The following MTUS2 variants were observed in gnomAD, a reference collection of about 807,000 sequenced individuals.
MTUS2 encodes microtubule associated scaffold protein 2, also known as microtubule-associated tumor suppressor candidate 2.
In MTUS2, 40 loss-of-function variants were observed where a neutral mutation model predicts 114.1. That is an observed-to-expected ratio of 0.35 (90% confidence interval 0.27 to 0.46). The LOEUF (loss-of-function observed/expected upper bound fraction) is 0.46. MTUS2 is among the 20% of genes least tolerant of loss of function. The pLI, the probability that MTUS2 is intolerant of heterozygous loss-of-function variation, is 1.00. For synonymous variants in MTUS2, 688 were observed against 672.0 expected (o/e 1.02, Z -0.37); for missense variants, 1,679 against 1,705.4 (o/e 0.98, Z 0.27).
intron 6 of MTUS2, among the ~76,000 whole-genome samples, chr13:29,302,060 C>A (rs1202769045): frequency 1.3e-5 from 2 of 152,160 alleles, no homozygotes; most frequent in African/African-American, 4.8e-5. Flanking sequence ...AATTGGATTT[C>A]GGGGATGGAT....
intron 2 of MTUS2, among the ~76,000 whole-genome samples, chr13:28,939,197 C>G (rs1045897798): frequency 6.6e-6 from 1 of 152,142 alleles, no homozygotes; most frequent in East Asian, 1.9e-4. Context: ...ATTTGGGTTG[C>G]TTCTGCCCAA....
intron 5 of MTUS2, among the ~76,000 whole-genome samples, chr13:29,229,940 G>A (rs11617315): frequency 0.061 from 9,295 of 152,134 alleles, 297 homozygotes; most frequent in Middle Eastern, 0.078. Flanking sequence ...TATAGCATTC[G>A]ACTTTTAAAA....
In MTUS2 at chr13:29,033,924, C is replaced by T. The variant is rs939999445; in HGVS notation, c.2245C>T (p.Pro749Ser). ...TGGAAAAGAAGAGTTTTGTTCTCCTCCCTATGCTCATTATGAAGTCCCTCC... is the reference window on the plus strand; with the variant it reads ...TGGAAAAGAAGAGTTTTGTTCTCCTTCCTATGCTCATTATGAAGTCCCTCC... Reference protein sequence around the residue: ...HPGKEEFCSPPYAHYEVPPTF... With the variant: ...HPGKEEFCSPSYAHYEVPPTF... The change falls in exon 4 of 16, where the codon CCC becomes TCC. Residue 749 changes from proline (P) to serine (S), a missense_variant. Around this residue, in one of 3 missense-constraint regions of MTUS2, gnomAD observed 822 missense variants for 899.7 expected, o/e 0.91. Coordinates refer to ENST00000612955, the MANE Select transcript of MTUS2 (RefSeq NM_001033602.4). The T allele has an allele frequency of 6.2e-7, 1 of 1,613,800 alleles. No individual in the cohort carries two copies. The highest frequency in any genetic ancestry group is 8.5e-7 in the Non-Finnish European group (1 of 1,179,874).
At chr13:29,265,227 C>A (rs1566098912) in intron 5 of MTUS2, among the ~76,000 whole-genome samples, 1 of 152,224 alleles carries the variant, frequency 6.6e-6, no homozygotes, top group Non-Finnish European at 1.5e-5. Context: ...TGCAGCCAAG[C>A]TCTTTACAAA....
chr13:29,249,631 T>C (rs1286534804), intron 5 of MTUS2, among the ~76,000 whole-genome samples: 6 of 152,234 alleles, frequency 3.9e-5, no homozygotes. Flanking sequence ...TCTCATCATG[T>C]CCTTTGCCCA....
chr13:29,409,529 T>A (rs1463928407), intron 8 of MTUS2, among the ~76,000 whole-genome samples: 1 of 152,212 alleles, frequency 6.6e-6, no homozygotes, highest in East Asian at 1.9e-4. Context: ...ACATCTGGGT[T>A]GATTTTAATG....
intron 7 of MTUS2, among the ~76,000 whole-genome samples, chr13:29,351,371 A>G (rs1182524045): frequency 6.6e-6 from 1 of 152,076 alleles, no homozygotes; most frequent in African/African-American, 2.4e-5. Flanking sequence ...GGCAGGAACT[A>G]TATTTTCTGT....
intron 5 of MTUS2, among the ~76,000 whole-genome samples, chr13:29,181,279 A>C (rs955366701): frequency 5.3e-5 from 8 of 152,046 alleles, no homozygotes; most frequent in Non-Finnish European, 1.2e-4. Flanking sequence ...ATCATCTCTG[A>C]TGACAAGAGC....
intron 2 of MTUS2, among the ~76,000 whole-genome samples, chr13:28,901,205 T>TA (rs904439402): frequency 1.3e-5 from 2 of 151,866 alleles, no homozygotes; most frequent in African/African-American, 2.4e-5. Flanking sequence ...TTTTGCTCAT[T>TA]AAAAAAAAAT....
intron 5 of MTUS2, among the ~76,000 whole-genome samples, chr13:29,103,180 T>G (rs944867370): frequency 2.6e-5 from 4 of 152,184 alleles, no homozygotes; most frequent in African/African-American, 9.7e-5. Context: ...ATCTGAAACA[T>G]GAGCATGATA....
At chr13:29,472,176 C>T (rs1880367676) in intron 9 of MTUS2, among the ~76,000 whole-genome samples, 1 of 152,162 alleles carries the variant, frequency 6.6e-6, no homozygotes, top group Admixed American at 6.5e-5. Context: ...AGGCACGTGC[C>T]ACCAAGCCTG....
chr13:29,221,227 A>C (rs1016823149), intron 5 of MTUS2, among the ~76,000 whole-genome samples: 1 of 152,270 alleles, frequency 6.6e-6, no homozygotes, highest in African/African-American at 2.4e-5. Context: ...GAGGAGAACC[A>C]CAGATTGTGA....
At chr13:28,993,752 TCC>T (rs1747663532) in intron 2 of MTUS2, among the ~76,000 whole-genome samples, 1 of 152,160 alleles carries the variant, frequency 6.6e-6, no homozygotes. Context: ...TCTATTCCAT[TCC>T]ATTGGTTTGT....
chr13:29,352,576 C>T (rs1057436452), intron 7 of MTUS2, among the ~76,000 whole-genome samples: 1 of 152,180 alleles, frequency 6.6e-6, no homozygotes, highest in African/African-American at 2.4e-5. Flanking sequence ...TGGATTTAAT[C>T]TACTCTGGAA....
chr13:29,362,666 G>A (rs1193419183), intron 8 of MTUS2, among the ~76,000 whole-genome samples: 1 of 152,160 alleles, frequency 6.6e-6, no homozygotes, highest in East Asian at 1.9e-4. Flanking sequence ...CAGCCTTGGT[G>A]ACAGAGGGAG....
chr13:29,100,100 T>A (rs1472669463), intron 4 of MTUS2, among the ~76,000 whole-genome samples: 6 of 152,186 alleles, frequency 3.9e-5, no homozygotes, highest in African/African-American at 1.4e-4. Flanking sequence ...AGCAGTAATA[T>A]TTATACTAGA....
intron 7 of MTUS2, among the ~76,000 whole-genome samples, chr13:29,343,072 T>TGA (rs35837258): frequency 0.19 from 28,132 of 152,042 alleles, 2,774 homozygotes; most frequent in Non-Finnish European, 0.23. Context: ...AGTATTTTGT[T>TGA]GAGGATTTTT....
intron 2 of MTUS2, among the ~76,000 whole-genome samples, chr13:29,002,213 C>T (rs1474237334): frequency 6.6e-6 from 1 of 152,172 alleles, no homozygotes; most frequent in African/African-American, 2.4e-5. Flanking sequence ...TAGGGAGAGC[C>T]TACCTTCCTT....
At chr13:28,891,016 C>T (rs1043188783) in intron 2 of MTUS2, among the ~76,000 whole-genome samples, 1 of 152,232 alleles carries the variant, frequency 6.6e-6, no homozygotes, top group African/African-American at 2.4e-5. Flanking sequence ...TTCCCAGAGT[C>T]TCCTCTTCAT....
Sources: gnomAD v4.1 joint callset for allele counts (sites outside exome capture counted in the v4.1 genomes callset) on GRCh38, gnomAD v4.1.1 for gene constraint, gnomAD v4.1.1 regional missense constraint, MANE v1.5 for transcripts, NCBI Gene and HGNC (gene_info 2026-07-23, HGNC 2026-07-21) for gene names.